The following ZEB1 variants were observed in gnomAD, a reference collection of about 807,000 sequenced individuals.
ZEB1 encodes zinc finger E-box-binding homeobox 1.
Under a neutral mutation model 84.9 loss-of-function variants are expected in ZEB1, and 21 were observed. The ratio of observed to expected loss-of-function variants is 0.25; its 90% CI spans 0.18 to 0.36. The LOEUF (loss-of-function observed/expected upper bound fraction) is 0.36. Among genes scored for constraint, ZEB1 ranks in the 10% least tolerant of loss-of-function variants. The pLI is 1.00. For synonymous variants in ZEB1, 420 were observed against 471.1 expected (o/e 0.89, Z 1.41); for missense variants, 1,104 against 1,330.2 (o/e 0.83, Z 2.65).
intron 2 of ZEB1, among the ~76,000 whole-genome samples, chr10:31,474,980 A>T (rs1370153492): frequency 6.7e-6 from 1 of 150,228 alleles, no homozygotes; most frequent in African/African-American, 2.5e-5. Flanking sequence ...CAAACACCGC[A>T]TATTCTCACT....
At chr10:31,443,068 A>T (rs1386711096) in intron 1 of ZEB1, among the ~76,000 whole-genome samples, 1 of 152,204 alleles carries the variant, frequency 6.6e-6, no homozygotes, top group Non-Finnish European at 1.5e-5. Flanking sequence ...AGAGCAAGAA[A>T]GTTGAGAGTG....
At chr10:31,526,430 A>G (rs972477010) in intron 8 of ZEB1, among the ~76,000 whole-genome samples, 1 of 152,098 alleles carries the variant, frequency 6.6e-6, no homozygotes, top group Admixed American at 6.5e-5. Context: ...TTGGCATTTC[A>G]ATGTCATGTA....
At chr10:31,457,907 A>T (rs1268927963) in intron 1 of ZEB1, among the ~76,000 whole-genome samples, 2 of 152,158 alleles carry the variant, frequency 1.3e-5, no homozygotes, top group Non-Finnish European at 2.9e-5. Flanking sequence ...TCAACCAGAG[A>T]ACCTACAGCT....
intron 1 of ZEB1, among the ~76,000 whole-genome samples, chr10:31,327,104 T>C (rs1231074645): frequency 4.3e-4 from 60 of 140,046 alleles, no homozygotes; most frequent in Middle Eastern, 3.6e-3. Flanking sequence ...CTTTTCTTTT[T>C]TTTTTTTTTT....
At chr10:31,443,681 C>T (rs1003768408) in intron 1 of ZEB1, among the ~76,000 whole-genome samples, 6 of 149,270 alleles carry the variant, frequency 4.0e-5, no homozygotes, top group Admixed American at 1.3e-4. Flanking sequence ...TTTGTTCTTG[C>T]GATAGTTTAC....
intron 1 of ZEB1, among the ~76,000 whole-genome samples, chr10:31,413,778 A>C (rs968963149): frequency 3.3e-5 from 5 of 152,208 alleles, no homozygotes; most frequent in African/African-American, 1.2e-4. Context: ...TTAAGACTGC[A>C]ATTTAGTACA....
chr10:31,382,912 T>C (rs1027369911), intron 1 of ZEB1, among the ~76,000 whole-genome samples: 7 of 152,084 alleles, frequency 4.6e-5, no homozygotes, highest in Middle Eastern at 6.8e-3. Flanking sequence ...TAAAGAAATA[T>C]GAGGTTTTTT....
intron 1 of ZEB1, among the ~76,000 whole-genome samples, chr10:31,430,257 T>A (rs1351572367): frequency 6.6e-6 from 1 of 152,202 alleles, no homozygotes; most frequent in Non-Finnish European, 1.5e-5. Flanking sequence ...TGTGTGTGTT[T>A]GTGTACTGGG....
At chr10:31,389,656 A>G (rs887666238) in intron 1 of ZEB1, 1 of 152,092 alleles carries the variant, frequency 6.6e-6, no homozygotes, top group African/African-American at 2.4e-5. Flanking sequence ...GACCAGCACT[A>G]TATGGTACAA....
intron 1 of ZEB1, among the ~76,000 whole-genome samples, chr10:31,414,481 G>A (rs2135884925): frequency 6.6e-6 from 1 of 152,260 alleles, no homozygotes; most frequent in South Asian, 2.1e-4. Context: ...ACTATCTTAT[G>A]TAGCTCCTAT....
rs2132912578 is a variant in ZEB1 at position 31,321,125 on chromosome 10, C to CT, written c.58+1834dup. 4 of 1,025,686 alleles carry CT rather than the reference C, an allele frequency of 3.9e-6. No individual in the cohort carries two copies. The South Asian group carries it at 1.5e-4, about 38-fold the overall frequency. The allele number at this position is 1,025,686 out of a possible 1,614,324, so 63.5% of individuals were successfully genotyped here. On this transcript the variant is annotated intron_variant, in intron 1 of 8. Coordinates refer to ENST00000424869, the MANE Select transcript of ZEB1 (RefSeq NM_001174096.2). ...GCTCCCCCAGCCCCACCCCCCGCGC[C>CT]TGGGCTCCCTTTCTCCCTCCCCTCT...
At chr10:31,413,071 C>T (rs760143301) in intron 1 of ZEB1, among the ~76,000 whole-genome samples, 14 of 152,078 alleles carry the variant, frequency 9.2e-5, no homozygotes, top group Non-Finnish European at 1.9e-4. Context: ...TGATTATATA[C>T]TTAGGTTATA....
At chr10:31,431,329 G>A (rs762522274) in intron 1 of ZEB1, among the ~76,000 whole-genome samples, 6 of 152,286 alleles carry the variant, frequency 3.9e-5, no homozygotes, top group Admixed American at 6.5e-5. Flanking sequence ...GAAATAAGAA[G>A]CAGCATTCAT....
At chr10:31,443,007 G>C (rs952366613) in intron 1 of ZEB1, among the ~76,000 whole-genome samples, 8 of 152,172 alleles carry the variant, frequency 5.3e-5, no homozygotes, top group Non-Finnish European at 1.2e-4. Flanking sequence ...AGGAGTGCTG[G>C]AGTTTAATCA....
chr10:31,487,938 G>A (rs1208991832), intron 2 of ZEB1, among the ~76,000 whole-genome samples: 1 of 151,076 alleles, frequency 6.6e-6, no homozygotes, highest in Non-Finnish European at 1.5e-5. Flanking sequence ...TTCAAATATT[G>A]AATCAGGCTT....
At chr10:31,513,798 G>A (rs954953555) in intron 5 of ZEB1, among the ~76,000 whole-genome samples, 2 of 152,090 alleles carry the variant, frequency 1.3e-5, no homozygotes, top group Non-Finnish European at 2.9e-5. Flanking sequence ...AAATGACTGA[G>A]GCATAGACTT....
intron 2 of ZEB1, among the ~76,000 whole-genome samples, chr10:31,465,006 C>T (rs1053810662): frequency 1.1e-4 from 16 of 152,114 alleles, no homozygotes; most frequent in African/African-American, 3.9e-4. Flanking sequence ...ATAAGACCTA[C>T]TATTTGATAG....
intron 1 of ZEB1, among the ~76,000 whole-genome samples, chr10:31,366,652 A>G (rs981312514): frequency 4.6e-5 from 7 of 152,192 alleles, no homozygotes; most frequent in African/African-American, 7.2e-5. Flanking sequence ...TACCTGTAGT[A>G]CTTCCAAGTT....
intron 1 of ZEB1, among the ~76,000 whole-genome samples, chr10:31,327,098 T>C: frequency 7.2e-6 from 1 of 138,212 alleles, no homozygotes; most frequent in African/African-American, 3.1e-5. Context: ...TCTTTTCTTT[T>C]CTTTTTTTTT....
Sources: gnomAD v4.1 joint callset for allele counts (sites outside exome capture counted in the v4.1 genomes callset) on GRCh38, gnomAD v4.1.1 for gene constraint, MANE v1.5 for transcripts, NCBI Gene and HGNC (gene_info 2026-07-23, HGNC 2026-07-21) for gene names.